The following ADPRHL1 variants were observed in gnomAD, a reference collection of about 807,000 sequenced individuals.
The protein encoded by ADPRHL1 is ADP-ribosylhydrolase like 1, also known as inactive ADP-ribosyltransferase ARH2.
A neutral mutation model predicts 44.1 loss-of-function variants in ADPRHL1; 43 were observed. The observed-to-expected ratio is 0.98, with a 90% CI of 0.76 to 1.26. The LOEUF (loss-of-function observed/expected upper bound fraction) is 1.26. ADPRHL1 is among the 50% of genes most tolerant of loss of function. The pLI is 0.00. For synonymous variants in ADPRHL1, 878 were observed against 1,017.4 expected (o/e 0.86, Z 2.61); for missense variants, 2,022 against 2,496.9 (o/e 0.81, Z 4.05).
intron 7 of ADPRHL1, among the ~76,000 whole-genome samples, chr13:113,420,418 C>G (rs193061534): frequency 6.6e-6 from 1 of 152,048 alleles, no homozygotes; most frequent in Non-Finnish European, 1.5e-5. Context: ...CCTGCTCATG[C>G]GAGCTGGCCT....
Position 113,441,025 on chromosome 13 carries a change from C to T in ADPRHL1, c.379+3400G>A, listed in dbSNP as rs546251410. On this transcript the variant is annotated intron_variant, in intron 2 of 7. Transcript: ENST00000612156. The surrounding 1 kb of genome is among the most constrained non-coding windows in gnomAD (Gnocchi z 6.0). Reference sequence around the variant, plus strand: ...AAAATTAGCCAGGTGTGGTGGTGGGCGCCCGTAGTCCCAGCTACTTGGGAG... The same window carrying T: ...AAAATTAGCCAGGTGTGGTGGTGGGTGCCCGTAGTCCCAGCTACTTGGGAG... Among the ~76,000 whole-genome samples the T allele has an allele frequency of 3.2e-4, 49 of 152,016 alleles. No homozygotes were observed. The highest frequency in any genetic ancestry group is 6.3e-4 in the African/African-American group (26 of 41,474).
chr13:113,444,211 C>G (rs576646323), intron 2 of ADPRHL1, among the ~76,000 whole-genome samples: 8 of 152,134 alleles, frequency 5.3e-5, no homozygotes, highest in African/African-American at 1.9e-4. Context: ...GCTTGCCGGG[C>G]TGACCAGGAG....
intron 6 of ADPRHL1, 95 bp downstream of exon 6, chr13:113,424,122 C>T: frequency 6.7e-7 from 1 of 1,487,128 alleles, no homozygotes; most frequent in Non-Finnish European, 9.0e-7. Context: ...AGGAGGTGGC[C>T]CCTGAATGCC....
Position 113,405,640 on chromosome 13 carries a change from AT to A in ADPRHL1, c.3641del (p.Asp1214ValfsTer29). ...CTGGGTGCCGGGCGAGGGCCGCAGC[AT>A]CCTCCGGGTGGCGGGCGAGGGTCGC... Reference protein sequence around the residue: ...DIATLARHPEDAAALARHPEA... With the variant: ...DIATLARHPEXAAALARHPEA... On this transcript the variant is annotated frameshift_variant, in exon 8 of 8. Coordinates refer to ENST00000612156, the MANE Select transcript of ADPRHL1 (RefSeq NM_001394807.1). LOFTEE classifies it low-confidence loss of function (END_TRUNC). 8.1e-7 allele frequency: 1 copy of A among 1,232,712 alleles called. No homozygotes were observed. The highest frequency in any genetic ancestry group is 1.0e-6 in the Non-Finnish European group (1 of 988,850). 76.4% of individuals were successfully genotyped at this position (1,232,712 alleles called of 1,614,324 possible).
At chr13:113,408,614 G>GTCTAT (rs1277527893) in intron 7 of ADPRHL1, among the ~76,000 whole-genome samples, 1 of 152,218 alleles carries the variant, frequency 6.6e-6, no homozygotes, top group Non-Finnish European at 1.5e-5. Context: ...ATAAAGAAGT[G>GTCTAT]TCTATTCTCT....
At position 113,422,894 on chromosome 13, in the gene ADPRHL1, C is replaced by T; in HGVS notation, c.993G>A (p.Gln331=). ...CCAGCTTCTCCTTGTCCTCCAGGTC[C>T]TGGTACAAGCCTTTGGGAACGAGGT... ...GLDLVPKGLY[Q]DLEDKEKLED... Residue 331 remains glutamine, a synonymous_variant, in exon 7 of 8, where the codon CAG becomes CAA. Coordinates refer to ENST00000612156, the MANE Select transcript of ADPRHL1 (RefSeq NM_001394807.1). 1 of 1,612,976 alleles carries T rather than the reference C, an allele frequency of 6.2e-7. No homozygotes were observed. The highest frequency in any genetic ancestry group is 8.5e-7 in the Non-Finnish European group (1 of 1,179,998).
Position 113,405,664 on chromosome 13 carries a change from C to T in ADPRHL1, c.3618G>A (p.Ala1206=), listed in dbSNP as rs945583111. 4.9e-6 allele frequency: 6 copies of T among 1,232,668 alleles called. No homozygotes were observed. The African/African-American group carries it at 6.2e-5, about 13-fold the overall frequency. 76.4% of individuals were successfully genotyped at this position (1,232,668 alleles called of 1,614,324 possible). A position where few individuals can be genotyped will look rare whatever the true frequency, so the allele number is the denominator to read the frequency against. The change falls in exon 8 of 8, where the codon GCG becomes GCA. Residue 1206 remains alanine, a synonymous_variant. Coordinates refer to ENST00000612156, the MANE Select transcript of ADPRHL1 (RefSeq NM_001394807.1). The part of the protein sequence containing the change: ...VALVQHPEDI[A]TLARHPEDAA... ...CATCCTCCGGGTGGCGGGCGAGGGT[C>T]GCAATGTCCTCTGGGTGCTGGACGA...
At chr13:113,450,959 C>A (rs867345879) in intron 1 of ADPRHL1, among the ~76,000 whole-genome samples, 33 of 151,716 alleles carry the variant, frequency 2.2e-4, no homozygotes, top group African/African-American at 5.6e-4. Context: ...GAGACCCCCC[C>A]CCCCTTCCTG....
At chr13:113,422,695 G>T in intron 7 of ADPRHL1, 131 bp downstream of exon 7, 1 of 1,113,056 alleles carries the variant, frequency 9.0e-7, no homozygotes, top group Non-Finnish European at 1.3e-6. Flanking sequence ...CAGAGAGTTA[G>T]ATGTGGCCAG....
At position 113,441,199 on chromosome 13, in the gene ADPRHL1, G is replaced by A. The variant is rs1169017400; in HGVS notation, c.379+3226C>T. Among the ~76,000 whole-genome samples, 2 of 152,062 alleles carry A rather than the reference G, an allele frequency of 1.3e-5. No homozygotes were observed. The highest frequency in any genetic ancestry group is 4.8e-5 in the African/African-American group (2 of 41,390). On this transcript the variant is annotated intron_variant, in intron 2 of 7. Transcript: ENST00000612156. This position sits in a 1 kb window ranked among gnomAD's most constrained non-coding sequence, Gnocchi z 6.0. ...ATAAGCAGCACATAGTTGGGGGCTG[G>A]GACCTGCTTCTTTATCTAATGTGAC...
chr13:113,446,138 T>TC (rs1358290149), intron 1 of ADPRHL1, among the ~76,000 whole-genome samples: 6 of 51,128 alleles, frequency 1.2e-4, no homozygotes, highest in African/African-American at 3.8e-4. Context: ...CCCTCCCCCC[T>TC]CCCCCCCAGA....
At chr13:113,450,679 G>C (rs1273284865) in intron 1 of ADPRHL1, among the ~76,000 whole-genome samples, 2 of 152,174 alleles carry the variant, frequency 1.3e-5, no homozygotes, top group Non-Finnish European at 2.9e-5. Flanking sequence ...AGAGGAGACA[G>C]AGAGAAAGAC....
At chr13:113,450,676 A>T (rs185378588) in intron 1 of ADPRHL1, among the ~76,000 whole-genome samples, 3 of 152,252 alleles carry the variant, frequency 2.0e-5, no homozygotes, top group Admixed American at 2.0e-4. Flanking sequence ...GGGAGAGGAG[A>T]CAGAGAGAAA....
chr13:113,429,213 T>C (rs2043989947), intron 3 of ADPRHL1, 121 bp from the exon 4 acceptor site: 15 of 1,336,226 alleles, frequency 1.1e-5, no homozygotes, highest in South Asian at 8.2e-5. Flanking sequence ...GTCTTTCCCA[T>C]GTTCAGGTGC....
Position 113,453,149 on chromosome 13 carries a change from G to A in ADPRHL1, c.214+75C>T. 6.5e-7 allele frequency: 1 copy of A among 1,538,322 alleles called. No homozygotes were observed. Among genetic ancestry groups the A allele is most frequent in the Admixed American group, 1.7e-5 (1 of 59,044 alleles). On this transcript the variant is annotated intron_variant, in intron 1 of 7. Coordinates refer to ENST00000612156, the MANE Select transcript of ADPRHL1 (RefSeq NM_001394807.1). This position sits in a 1 kb window ranked among gnomAD's most constrained non-coding sequence, Gnocchi z 5.4. The stretch of plus-strand genomic sequence containing the variant: ...GACCGCACTGCCTTCAAAGCTCTCG[G>A]AGGCTTACTGGGAGAACTCGAGCAG...
Position 113,424,271 on chromosome 13 carries a change from G to C in ADPRHL1, c.853C>G (p.Leu285Val). 1 of 1,612,990 alleles carries C rather than the reference G, an allele frequency of 6.2e-7. No homozygotes were observed. The highest frequency in any genetic ancestry group is 8.5e-7 in the Non-Finnish European group (1 of 1,179,922). Residue 285 changes from leucine (L) to valine (V), a missense_variant, in exon 6 of 8, where the codon CTT (leucine) becomes GTT (valine). Transcript: ENST00000612156. ...TCAGTCCAGCTGTTTCCTGCTGCAAGGAGGGCGTCATAGGCTATCATGGGG... is the reference window on the plus strand; with the variant it reads ...TCAGTCCAGCTGTTTCCTGCTGCAACGAGGGCGTCATAGGCTATCATGGGG... The part of the protein sequence containing the change: ...DAPMIAYDAL[L>V]AAGNSWTELC...
At chr13:113,451,380 CAGT>C (rs933164091) in intron 1 of ADPRHL1, among the ~76,000 whole-genome samples, 9 of 152,152 alleles carry the variant, frequency 5.9e-5, no homozygotes, top group African/African-American at 2.2e-4. Flanking sequence ...TTGCCGCCCA[CAGT>C]AAGCAATTCC....
chr13:113,419,354 C>T (rs1032230301), intron 7 of ADPRHL1, among the ~76,000 whole-genome samples: 8 of 144,188 alleles, frequency 5.5e-5, no homozygotes, highest in South Asian at 4.4e-4. Flanking sequence ...TAAGCTCAAG[C>T]GATCCTCCCG....
chr13:113,434,322 C>A (rs1268871778), intron 2 of ADPRHL1, among the ~76,000 whole-genome samples: 1 of 151,718 alleles, frequency 6.6e-6, no homozygotes, highest in African/African-American at 2.4e-5. Context: ...GTAGAGTGAA[C>A]ATAGGTGTAC....
Sources: allele counts gnomAD v4.1 joint callset (sites outside exome capture counted in the v4.1 genomes callset), GRCh38; gene constraint gnomAD v4.1.1; non-coding constraint Gnocchi (gnomAD v3.1); transcripts MANE v1.5; gene names NCBI Gene and HGNC (gene_info 2026-07-23, HGNC 2026-07-21).